Variants in CSMD3 observed in about 807,000 individuals in gnomAD.
CSMD3 encodes the protein CUB and sushi domain-containing protein 3.
CSMD3 carries 177 observed loss-of-function variants against 435.2 expected under a neutral mutation model. The observed-to-expected ratio is 0.41, with a 90% CI of 0.36 to 0.46. The LOEUF is 0.46. Ranked by LOEUF, CSMD3 falls within the 20% of genes least tolerant of loss-of-function variation. The pLI, the probability that CSMD3 is intolerant of heterozygous loss-of-function variation, is 0.34. For missense variants in CSMD3, 4,265 were observed against 4,504.6 expected (o/e 0.95, Z 1.52); for synonymous variants, 1,656 against 1,520.5 (o/e 1.09, Z -2.07).
intron 10 of CSMD3, among the ~76,000 whole-genome samples, chr8:112,868,744 A>G (rs2081053704): frequency 6.6e-6 from 1 of 152,202 alleles, no homozygotes; most frequent in Admixed American, 6.5e-5. Flanking sequence ...CAGGGTCACC[A>G]AAAATACAAA....
intron 32 of CSMD3, among the ~76,000 whole-genome samples, chr8:112,448,781 A>G (rs1815932310): frequency 6.6e-6 from 1 of 151,306 alleles, no homozygotes; most frequent in South Asian, 2.1e-4. Flanking sequence ...AAAAAAAACC[A>G]AAAACCTCTA....
chr8:113,295,642 C>T (rs1357944179), intron 2 of CSMD3, among the ~76,000 whole-genome samples: 1 of 152,114 alleles, frequency 6.6e-6, no homozygotes, highest in African/African-American at 2.4e-5. Flanking sequence ...CTCTAATCCT[C>T]GCACTTTGCA....
intron 27 of CSMD3, among the ~76,000 whole-genome samples, chr8:112,535,967 A>G (rs1475530823): frequency 6.6e-6 from 1 of 152,182 alleles, no homozygotes; most frequent in Non-Finnish European, 1.5e-5. Context: ...CTGGCTAGCC[A>G]TATGTCGAAA....
At chr8:113,181,034 T>TATC (rs1488327293) in intron 3 of CSMD3, among the ~76,000 whole-genome samples, 1 of 151,914 alleles carries the variant, frequency 6.6e-6, no homozygotes, top group South Asian at 2.1e-4. Flanking sequence ...TTATTATTAT[T>TATC]ATCATTATTT....
intron 13 of CSMD3, among the ~76,000 whole-genome samples, chr8:112,723,593 A>G (rs1202080741): frequency 6.6e-6 from 1 of 152,154 alleles, no homozygotes; most frequent in Non-Finnish European, 1.5e-5. Context: ...AGAGTTCAAT[A>G]CACTGCATTA....
chr8:112,496,465 A>C lies in CSMD3; in HGVS notation c.5084-3782T>G, dbSNP rs1821354124. Reference sequence around the variant, plus strand: ...GCAATCCCACTGCTAGTATATATCCAAAAGAAAGAAATCAGTATATCGAAG... The same window carrying C: ...GCAATCCCACTGCTAGTATATATCCCAAAGAAAGAAATCAGTATATCGAAG... On this transcript the variant is annotated intron_variant, in intron 30 of 70. Coordinates refer to ENST00000297405, the MANE Select transcript of CSMD3 (RefSeq NM_198123.2). Among the ~76,000 whole-genome samples the C allele has an allele frequency of 2.0e-5, 3 of 152,196 alleles. No individual in the cohort carries two copies. The South Asian group carries it at 6.2e-4, about 31-fold the overall frequency.
intron 29 of CSMD3, 141 bp from the exon 30 acceptor site, chr8:112,504,118 TA>T (rs1220270227): frequency 3.6e-6 from 2 of 558,160 alleles, no homozygotes; most frequent in East Asian, 3.0e-5. Flanking sequence ...TAAGCTAATA[TA>T]AAAAATCACC....
At chr8:113,336,329 A>C (rs989490436) in intron 1 of CSMD3, among the ~76,000 whole-genome samples, 4 of 151,952 alleles carry the variant, frequency 2.6e-5, no homozygotes, top group African/African-American at 9.7e-5. Flanking sequence ...CTTGAAAAAA[A>C]ATGTATTAAG....
chr8:112,883,542 C>A (rs1489127319), intron 10 of CSMD3, among the ~76,000 whole-genome samples: 1 of 151,798 alleles, frequency 6.6e-6, no homozygotes, highest in Non-Finnish European at 1.5e-5. Context: ...TTCCTCAATA[C>A]CACTTTTTAG....
At chr8:112,898,040 C>T (rs745850073) in intron 10 of CSMD3, among the ~76,000 whole-genome samples, 4 of 151,024 alleles carry the variant, frequency 2.6e-5, no homozygotes, top group African/African-American at 4.8e-5. Context: ...ATTTGTTATA[C>T]GTATAGAAAT....
chr8:112,943,195 T>G (rs1275449289), intron 9 of CSMD3, among the ~76,000 whole-genome samples: 1 of 151,814 alleles, frequency 6.6e-6, no homozygotes, highest in African/African-American at 2.4e-5. Flanking sequence ...TTGTTAAATT[T>G]TAAGCAATTT....
At chr8:113,195,793 A>T (rs1005791041) in intron 3 of CSMD3, among the ~76,000 whole-genome samples, 23 of 121,066 alleles carry the variant, frequency 1.9e-4, no homozygotes, top group African/African-American at 6.6e-4. Flanking sequence ...CCTATATTTT[A>T]TATATATATA....
chr8:113,383,744 G>A (rs2094427405), intron 1 of CSMD3, among the ~76,000 whole-genome samples: 1 of 152,142 alleles, frequency 6.6e-6, no homozygotes, highest in Admixed American at 6.5e-5. Context: ...AAATTAAATT[G>A]TTTGCACCAC....
chr8:112,636,246 A>G (rs2131577812), intron 22 of CSMD3, among the ~76,000 whole-genome samples: 1 of 152,216 alleles, frequency 6.6e-6, no homozygotes, highest in Admixed American at 6.6e-5. Context: ...TTATTTCACA[A>G]CATGAATGAA....
At chr8:113,100,910 A>G (rs1318480588) in intron 4 of CSMD3, among the ~76,000 whole-genome samples, 4 of 152,086 alleles carry the variant, frequency 2.6e-5, no homozygotes, top group Non-Finnish European at 5.9e-5. Context: ...GATGGAGCAG[A>G]GGTGGGGCAG....
At chr8:112,258,824 C>T (rs1337195204) in intron 61 of CSMD3, among the ~76,000 whole-genome samples, 7 of 151,968 alleles carry the variant, frequency 4.6e-5, no homozygotes, top group Non-Finnish European at 8.8e-5. Context: ...CGGATCACAA[C>T]GTCAGGAGAT....
At chr8:112,551,204 C>A (rs577815962) in intron 26 of CSMD3, among the ~76,000 whole-genome samples, 1 of 151,818 alleles carries the variant, frequency 6.6e-6, no homozygotes, top group African/African-American at 2.4e-5. Flanking sequence ...GTGCAAAATG[C>A]GTTACATATA....
intron 6 of CSMD3, among the ~76,000 whole-genome samples, chr8:112,987,389 A>T (rs1023667978): frequency 4.6e-5 from 7 of 152,266 alleles, no homozygotes; most frequent in Non-Finnish European, 1.0e-4. Context: ...TGACATTCCA[A>T]TATGTTTACT....
intron 12 of CSMD3, among the ~76,000 whole-genome samples, chr8:112,825,132 C>T (rs1238456502): frequency 6.6e-6 from 1 of 152,220 alleles, no homozygotes; most frequent in African/African-American, 2.4e-5. Flanking sequence ...ACAAAGTTCT[C>T]CTGCTGTGTT....
Sources: gnomAD v4.1 joint callset for allele counts (sites outside exome capture counted in the v4.1 genomes callset) on GRCh38, gnomAD v4.1.1 for gene constraint, MANE v1.5 for transcripts, NCBI Gene and HGNC (gene_info 2026-07-23, HGNC 2026-07-21) for gene names.